The following RFTN2 variants were observed in gnomAD, a reference collection of about 807,000 sequenced individuals.
RFTN2 encodes raftlin-2.
Under a neutral mutation model 52.7 loss-of-function variants are expected in RFTN2, and 34 were observed. That is an observed-to-expected ratio of 0.64 (90% CI 0.49 to 0.86). RFTN2 has a LOEUF of 0.86. Ranked by LOEUF, RFTN2 falls within the 40% of genes least tolerant of loss-of-function variation. The probability of loss-of-function intolerance (pLI) is 0.00; values close to 1 mark genes in which losing one functional copy is unlikely to be tolerated. For synonymous variants in RFTN2, 203 were observed against 217.7 expected (o/e 0.93, Z 0.59); for missense variants, 536 against 600.1 (o/e 0.89, Z 1.12).
chr2:197,590,714 AG>A (rs2087693532), intron 8 of RFTN2, among the ~76,000 whole-genome samples: 1 of 151,926 alleles, frequency 6.6e-6, no homozygotes, highest in South Asian at 2.1e-4. Flanking sequence ...TCGCTGGTTC[AG>A]GAATGAACCC....
intron 1 of RFTN2, among the ~76,000 whole-genome samples, chr2:197,657,909 T>G (rs2088915709): frequency 6.6e-6 from 1 of 152,108 alleles, no homozygotes; most frequent in African/African-American, 2.4e-5. Flanking sequence ...TTTAAAACCA[T>G]GCAGAAATGA....
intron 1 of RFTN2, among the ~76,000 whole-genome samples, chr2:197,674,363 A>AAAAAAAAAAAT (rs2089188117): frequency 6.8e-6 from 1 of 147,688 alleles, no homozygotes; most frequent in African/African-American, 2.5e-5. Flanking sequence ...AAAAAAAAAA[A>AAAAAAAAAAAT]GAAAAGAATG....
chr2:197,621,399 C>T (rs528153442), intron 5 of RFTN2, among the ~76,000 whole-genome samples: 13 of 88,222 alleles, frequency 1.5e-4, no homozygotes, highest in East Asian at 8.1e-4. Flanking sequence ...TTGCAGATAC[C>T]GGTTTTTTTT....
chr2:197,622,721 G>A (rs6726980), intron 5 of RFTN2, among the ~76,000 whole-genome samples: 2,770 of 152,298 alleles, frequency 0.018, 85 homozygotes, highest in African/African-American at 0.064. Context: ...CGTAGGACAC[G>A]CTGACTCTCT....
intron 1 of RFTN2, among the ~76,000 whole-genome samples, chr2:197,650,611 GC>G (rs2088812885): frequency 1.3e-5 from 2 of 152,126 alleles, no homozygotes; most frequent in Admixed American, 1.3e-4. Flanking sequence ...CCACGCTGTA[GC>G]ATGTTACAAG....
At chr2:197,639,518 C>G (rs1210223998) in intron 3 of RFTN2, among the ~76,000 whole-genome samples, 1 of 142,046 alleles carries the variant, frequency 7.0e-6, no homozygotes, top group East Asian at 2.0e-4. Flanking sequence ...ACCCTTTCTT[C>G]CAGTTGATCG....
In RFTN2 at chr2:197,617,907, T is replaced by C; in HGVS notation, c.943A>G (p.Lys315Glu). 1.2e-6 allele frequency: 2 copies of C among 1,607,678 alleles called. No homozygotes were observed. The highest frequency in any genetic ancestry group is 1.7e-5 in the Admixed American group (1 of 59,364). ...TAGATAAAAAATCCTTCCAAAGATT[T>C]AGGCAAATGTTCCCCTGTGAGGAAG... The part of the protein sequence containing the change: ...WETSKGEHLP[K>E]SLEGFFIYEE... The change falls in exon 6 of 9, where the codon AAA (lysine) becomes GAA (glutamate). Residue 315 changes from lysine (K) to glutamate (E), a missense_variant. Coordinates refer to ENST00000295049, the MANE Select transcript of RFTN2 (RefSeq NM_144629.3).
intron 7 of RFTN2, among the ~76,000 whole-genome samples, chr2:197,612,162 G>A (rs1030066064): frequency 1.3e-5 from 2 of 151,992 alleles, no homozygotes; most frequent in African/African-American, 4.8e-5. Flanking sequence ...TCTTGGTATA[G>A]TACAACTTGA....
chr2:197,637,017 G>T lies in RFTN2; in HGVS notation c.439-3020C>A, dbSNP rs1315821910. ...GATAATCATGTGGTTTTTGTCTTTG[G>T]CTCTGTTTATATGCTGGATTACATT... is the stretch of plus-strand genomic sequence containing the variant. On this transcript the variant is annotated intron_variant, in intron 3 of 8. Coordinates refer to ENST00000295049, the MANE Select transcript of RFTN2 (RefSeq NM_144629.3). Among the ~76,000 whole-genome samples, 98 of 151,832 alleles carry T rather than the reference G, an allele frequency of 6.5e-4. 1 individual carries two copies. Among genetic ancestry groups the T allele is most frequent in the African/African-American group, 2.4e-3 (98 of 41,382 alleles).
chr2:197,599,954 G>A (rs1356751434), intron 7 of RFTN2, among the ~76,000 whole-genome samples: 1 of 152,148 alleles, frequency 6.6e-6, no homozygotes, highest in Non-Finnish European at 1.5e-5. Flanking sequence ...TGCCTTTCGG[G>A]TTCAAGGGAT....
At chr2:197,668,960 C>T (rs1296401141) in intron 1 of RFTN2, among the ~76,000 whole-genome samples, 1 of 152,128 alleles carries the variant, frequency 6.6e-6, no homozygotes, top group African/African-American at 2.4e-5. Flanking sequence ...ACTGGGGAGT[C>T]TCTCTCAGGC....
At chr2:197,670,571 C>G (rs1308400879) in intron 1 of RFTN2, among the ~76,000 whole-genome samples, 1 of 146,592 alleles carries the variant, frequency 6.8e-6, no homozygotes, top group Non-Finnish European at 1.5e-5. Flanking sequence ...GCTACTCCAG[C>G]AGCTGAGGCA....
chr2:197,604,338 C>T (rs2087925700), intron 7 of RFTN2, among the ~76,000 whole-genome samples: 2 of 152,182 alleles, frequency 1.3e-5, no homozygotes, highest in Non-Finnish European at 2.9e-5. Context: ...TCATAGCCAA[C>T]AACTGGAGAC....
Position 197,617,919 on chromosome 2 carries a change from C to G in RFTN2, c.931G>C (p.Glu311Gln). ...SFVFWETSKG[E>Q]HLPKSLEGFF... ...CCTTCCAAAGATTTAGGCAAATGTTCCCCTGTGAGGAAGAGGGTACAATTA... is the reference window on the plus strand; with the variant it reads ...CCTTCCAAAGATTTAGGCAAATGTTGCCCTGTGAGGAAGAGGGTACAATTA... The change falls in exon 6 of 9, where the codon GAA becomes CAA. Residue 311 changes from glutamate to glutamine, a missense_variant and splice_region_variant. Transcript: ENST00000295049. 3 of 1,602,022 alleles carry G rather than the reference C, an allele frequency of 1.9e-6. No individual in the cohort carries two copies. The highest frequency in any genetic ancestry group is 2.6e-6 in the Non-Finnish European group (3 of 1,173,836).
At chr2:197,603,918 C>T (rs1475642394) in intron 7 of RFTN2, among the ~76,000 whole-genome samples, 2 of 151,776 alleles carry the variant, frequency 1.3e-5, no homozygotes, top group Non-Finnish European at 2.9e-5. Context: ...CAGAGTGAGA[C>T]TCTGTCTCAA....
intron 1 of RFTN2, among the ~76,000 whole-genome samples, 196 bp downstream of exon 1, chr2:197,675,124 G>T (rs1441827154): frequency 6.6e-6 from 1 of 152,070 alleles, no homozygotes; most frequent in Non-Finnish European, 1.5e-5. Context: ...AGGTACATAT[G>T]AGCCATGTTA....
chr2:197,605,284 C>T (rs2087941173), intron 7 of RFTN2, among the ~76,000 whole-genome samples: 1 of 151,342 alleles, frequency 6.6e-6, no homozygotes, highest in Non-Finnish European at 1.5e-5. Context: ...CACGCAATCT[C>T]GGCTCACTGC....
At chr2:197,610,032 G>T (rs1202351461) in intron 7 of RFTN2, among the ~76,000 whole-genome samples, 1 of 152,202 alleles carries the variant, frequency 6.6e-6, no homozygotes, top group South Asian at 2.1e-4. Flanking sequence ...TTGTAGTATA[G>T]TTTGAAGTCA....
At chr2:197,647,123 T>G (rs1184973151) in intron 1 of RFTN2, among the ~76,000 whole-genome samples, 1 of 152,182 alleles carries the variant, frequency 6.6e-6, no homozygotes, top group Non-Finnish European at 1.5e-5. Flanking sequence ...GTGACTATAT[T>G]TCCATTAATA....
Sources: gnomAD v4.1 joint callset for allele counts (sites outside exome capture counted in the v4.1 genomes callset) on GRCh38, gnomAD v4.1.1 for gene constraint, MANE v1.5 for transcripts, NCBI Gene and HGNC (gene_info 2026-07-23, HGNC 2026-07-21) for gene names.